The following BMP6 variants were observed in gnomAD, a reference collection of about 807,000 sequenced individuals.
The protein encoded by BMP6 is VG-1-R.
A neutral mutation model predicts 54.1 loss-of-function variants in BMP6; 17 were observed. The observed-to-expected ratio is 0.31, with a 90% CI of 0.22 to 0.47. The LOEUF is 0.47. Among genes scored for constraint, BMP6 ranks in the 20% least tolerant of loss-of-function variants. BMP6 has a pLI of 1.00. For synonymous variants in BMP6, 328 were observed against 291.2 expected (o/e 1.13, Z -1.28); for missense variants, 720 against 690.4 (o/e 1.04, Z -0.48).
At chr6:7,818,053 G>A (rs1758556838) in intron 1 of BMP6, among the ~76,000 whole-genome samples, 1 of 152,134 alleles carries the variant, frequency 6.6e-6, no homozygotes. Context: ...CTTTTAAAAA[G>A]CATAAAATAG....
intron 1 of BMP6, among the ~76,000 whole-genome samples, chr6:7,844,854 A>G (rs545362772): frequency 2.0e-4 from 31 of 152,350 alleles, no homozygotes; most frequent in African/African-American, 7.2e-4. Flanking sequence ...CTTTAACGCA[A>G]GAGTTTTCAT....
intron 1 of BMP6, among the ~76,000 whole-genome samples, chr6:7,775,114 C>T (rs1757844361): frequency 6.6e-6 from 1 of 152,160 alleles, no homozygotes; most frequent in Admixed American, 6.5e-5. Flanking sequence ...CTTAAAGGTC[C>T]CGCCTCTCAA....
At chr6:7,740,982 C>G (rs1430145699) in intron 1 of BMP6, among the ~76,000 whole-genome samples, 1 of 152,114 alleles carries the variant, frequency 6.6e-6, no homozygotes, top group Admixed American at 6.5e-5. Context: ...CCTTCATTGG[C>G]TCCTGTGGCC....
At chr6:7,850,731 G>A (rs192462167) in intron 2 of BMP6, among the ~76,000 whole-genome samples, 2 of 152,296 alleles carry the variant, frequency 1.3e-5, no homozygotes, top group East Asian at 1.9e-4. Context: ...TACCCGAGAC[G>A]ATGTGAGATG....
intron 1 of BMP6, among the ~76,000 whole-genome samples, chr6:7,809,746 A>C (rs1362760667): frequency 2.6e-5 from 4 of 152,236 alleles, no homozygotes; most frequent in Non-Finnish European, 5.9e-5. Context: ...CAATGGCTGA[A>C]CAGTGCATGA....
rs116129464 is a variant in BMP6, at chr6:7,794,950, A to G, written c.665-50190A>G. 2.8e-3 allele frequency among the ~76,000 whole-genome samples: 430 copies of G among 152,304 alleles called. 1 individual carries two copies. Among genetic ancestry groups the G allele is most frequent in the African/African-American group, 9.9e-3 (413 of 41,570 alleles). ...ATCCTGGAAAGGCTCTCCCTATTCT[A>G]TAGAGAAATTTTCCAAGACCTCAGG... On this transcript the variant is annotated intron_variant, in intron 1 of 6. Transcript: ENST00000283147.
chr6:7,759,727 T>C (rs1757583064), intron 1 of BMP6, among the ~76,000 whole-genome samples: 1 of 102,626 alleles, frequency 9.7e-6, no homozygotes, highest in South Asian at 3.3e-4. Flanking sequence ...TTTTGGAGAC[T>C]GAATCTCACT....
At chr6:7,792,125 G>A (rs1202115206) in intron 1 of BMP6, among the ~76,000 whole-genome samples, 2 of 152,196 alleles carry the variant, frequency 1.3e-5, no homozygotes, top group Admixed American at 6.5e-5. Context: ...CTGTAGGGCA[G>A]GCTGTAAACT....
chr6:7,741,078 C>T (rs1260292889), intron 1 of BMP6, among the ~76,000 whole-genome samples: 3 of 152,168 alleles, frequency 2.0e-5, no homozygotes, highest in Admixed American at 6.5e-5. Context: ...CCAGCACACT[C>T]TGCTCTGTGA....
chr6:7,761,431 T>A (rs1368252640), intron 1 of BMP6, among the ~76,000 whole-genome samples: 1 of 152,232 alleles, frequency 6.6e-6, no homozygotes, highest in African/African-American at 2.4e-5. Context: ...GCATTTCTCT[T>A]CTTGTAAGAT....
chr6:7,805,990 T>C (rs553494032), intron 1 of BMP6, among the ~76,000 whole-genome samples: 1 of 152,368 alleles, frequency 6.6e-6, no homozygotes, highest in African/African-American at 2.4e-5. Context: ...AAGTGTCCAC[T>C]TGGAAAGAAT....
intron 4 of BMP6, among the ~76,000 whole-genome samples, chr6:7,865,997 A>T (rs1452421135): frequency 2.6e-5 from 4 of 152,206 alleles, no homozygotes; most frequent in African/African-American, 7.2e-5. Context: ...ACTAGTGCAC[A>T]GCAGTGGAGA....
intron 1 of BMP6, among the ~76,000 whole-genome samples, chr6:7,802,710 A>T (rs1454309768): frequency 1.3e-5 from 2 of 152,186 alleles, no homozygotes; most frequent in African/African-American, 4.8e-5. Flanking sequence ...GGAAGGTGGC[A>T]GTGTCCTTGG....
chr6:7,795,626 G>A (rs546064732), intron 1 of BMP6, among the ~76,000 whole-genome samples: 1 of 152,260 alleles, frequency 6.6e-6, no homozygotes, highest in African/African-American at 2.4e-5. Context: ...TACACTGCTG[G>A]GTGGCAACGA....
chr6:7,825,535 A>G (rs997507948), intron 1 of BMP6, among the ~76,000 whole-genome samples: 1 of 152,010 alleles, frequency 6.6e-6, no homozygotes, highest in Non-Finnish European at 1.5e-5. Context: ...AGCCTGACCA[A>G]TATGGTGAAA....
chr6:7,854,250 G>C (rs1407385213), intron 2 of BMP6, among the ~76,000 whole-genome samples: 1 of 152,162 alleles, frequency 6.6e-6, no homozygotes, highest in East Asian at 1.9e-4. Context: ...ATGTTGTCCA[G>C]CTTTGTGGGA....
Position 7,727,056 on chromosome 6 carries a change from C to T in BMP6, c.101C>T (p.Ala34Val), listed in dbSNP as rs1761739537. 3.4e-6 allele frequency: 4 copies of T among 1,189,130 alleles called. No homozygotes were observed. The highest frequency in any genetic ancestry group is 4.0e-5 in the South Asian group (1 of 24,880). The allele number at this position is 1,189,130 out of a possible 1,614,324, so 73.7% of individuals were successfully genotyped here. ...CCGCTGCGGCCGCCCTTGCCCGCTGCCGCGGCCGCCGCCGCCGGGGGGCAG... is the reference window on the plus strand; with the variant it reads ...CCGCTGCGGCCGCCCTTGCCCGCTGTCGCGGCCGCCGCCGCCGGGGGGCAG... The part of the protein sequence containing the change: ...PPPLRPPLPA[A>V]AAAAAGGQLL... Residue 34 changes from alanine (A) to valine (V), a missense_variant, in exon 1 of 7, where the codon GCC (alanine) becomes GTC (valine). Transcript: ENST00000283147.
chr6:7,787,346 A>G (rs916651893), intron 1 of BMP6, among the ~76,000 whole-genome samples: 9 of 152,190 alleles, frequency 5.9e-5, no homozygotes, highest in East Asian at 3.8e-4. Flanking sequence ...GTTATCAAGT[A>G]TTTAGGGATG....
chr6:7,769,369 TGGG>T (rs34688227), intron 1 of BMP6, among the ~76,000 whole-genome samples: 1 of 152,058 alleles, frequency 6.6e-6, no homozygotes, highest in East Asian at 1.9e-4. Context: ...TCAGGATGCC[TGGG>T]GGGGTGGGAG....
Sources: gnomAD v4.1 joint callset for allele counts (sites outside exome capture counted in the v4.1 genomes callset) on GRCh38, gnomAD v4.1.1 for gene constraint, MANE v1.5 for transcripts, NCBI Gene and HGNC (gene_info 2026-07-23, HGNC 2026-07-21) for gene names.